The following TMEM26 variants were observed in gnomAD, a reference collection of about 807,000 sequenced individuals.
TMEM26 encodes the protein transmembrane protein 26.
TMEM26 carries 38 observed loss-of-function variants against 28.8 expected under a neutral mutation model. The ratio of observed to expected loss-of-function variants is 1.32; its 90% confidence interval spans 1.02 to 1.73. The LOEUF is 1.73. Among genes scored for constraint, TMEM26 ranks in the 40% most tolerant of loss-of-function variants. The pLI, the probability that TMEM26 is intolerant of heterozygous loss-of-function variation, is 0.00. For synonymous variants in TMEM26, 227 were observed against 182.9 expected, an observed-to-expected ratio of 1.24 and a Z score of -1.95; for missense variants, 518 against 447.1, an observed-to-expected ratio of 1.16 and a Z score of -1.43.
At chr10:61,426,535 T>C (rs1251639876) in intron 4 of TMEM26, among the ~76,000 whole-genome samples, 1 of 152,078 alleles carries the variant, frequency 6.6e-6, no homozygotes, top group African/African-American at 2.4e-5. Context: ...GGAAATTTAT[T>C]TAATAAAAAA....
chr10:61,447,094 G>T (rs528115564), intron 1 of TMEM26, among the ~76,000 whole-genome samples: 3 of 152,156 alleles, frequency 2.0e-5, no homozygotes, highest in Non-Finnish European at 4.4e-5. Context: ...AAGAGGGAGA[G>T]AAATTGTTTA....
chr10:61,415,679 C>A (rs768515333), intron 4 of TMEM26, among the ~76,000 whole-genome samples: 25 of 152,022 alleles, frequency 1.6e-4, no homozygotes, highest in African/African-American at 5.8e-4. Context: ...TTGGACATTA[C>A]ATTATATTAT....
intron 1 of TMEM26, among the ~76,000 whole-genome samples, chr10:61,439,108 C>A (rs1041893234): frequency 4.6e-5 from 7 of 152,126 alleles, no homozygotes; most frequent in Non-Finnish European, 1.0e-4. Flanking sequence ...CAAATATCTC[C>A]CAAAATTATG....
chr10:61,412,883 T>C (rs1839590049), intron 5 of TMEM26: 1 of 1,241,300 alleles, frequency 8.1e-7, no homozygotes, highest in Non-Finnish European at 1.1e-6. Flanking sequence ...AGATTACTTC[T>C]TGCAAAATCT....
Position 61,410,673 on chromosome 10 carries a change from G to A in TMEM26, c.756C>T (p.Ala252=). The change falls in exon 6 of 6, where the codon GCC becomes GCT. Residue 252 remains alanine (A), a synonymous_variant. Coordinates refer to ENST00000399298, the MANE Select transcript of TMEM26 (RefSeq NM_178505.8). The part of the protein sequence containing the change: ...FPSLFFCQYS[A]DLWNIGISVF... ...CGCTGATTCCGATGTTCCACAGATC[G>A]GCACTGTACTGGCAAAAGAACAGGC... The A allele has an allele frequency of 1.2e-6, 2 of 1,614,076 alleles. No homozygotes were observed. Among genetic ancestry groups the A allele is most frequent in the Non-Finnish European group, 8.5e-7 (1 of 1,180,022 alleles).
intron 1 of TMEM26, among the ~76,000 whole-genome samples, chr10:61,448,876 T>C (rs1840229388): frequency 6.6e-6 from 1 of 152,240 alleles, no homozygotes; most frequent in African/African-American, 2.4e-5. Flanking sequence ...CCTAGCTTTC[T>C]ACTTATTCTC....
At chr10:61,452,719 C>A in intron 1 of TMEM26, 172 bp downstream of exon 1, 1 of 768,792 alleles carries the variant, frequency 1.3e-6, no homozygotes, top group Non-Finnish European at 2.1e-6. Context: ...TAGGGTGGCC[C>A]TGGGGTGCCC....
intron 4 of TMEM26, among the ~76,000 whole-genome samples, chr10:61,421,091 T>C (rs974644252): frequency 2.0e-4 from 31 of 152,062 alleles, no homozygotes; most frequent in African/African-American, 7.2e-4. Flanking sequence ...TATGACCAAA[T>C]GGAGCCATAT....
At position 61,429,081 on chromosome 10, in the gene TMEM26, C is replaced by T. The variant is rs372783618; in HGVS notation, c.450G>A (p.Gln150=). 64 of 1,613,160 alleles carry T rather than the reference C, an allele frequency of 4.0e-5. No homozygotes were observed. The highest frequency in any genetic ancestry group is 1.6e-4 in the Middle Eastern group (1 of 6,080). The part of the protein sequence containing the change: ...CEKVWTLGLH[Q]TFLLMLIIGR... ...CAATTATTAGCATTAACAGGAATGT[C>T]TGATGGAGTCCCAATGTCCAAACTT... Residue 150 remains glutamine (Q), a synonymous_variant, in exon 4 of 6, where the codon CAG becomes CAA. Coordinates refer to ENST00000399298, the MANE Select transcript of TMEM26 (RefSeq NM_178505.8).
In TMEM26 at chr10:61,409,442, CACTT is replaced by C. The variant is rs1438178405; in HGVS notation, c.*876_*879del. 2.0e-5 allele frequency: 3 copies of C among 152,220 alleles called. No homozygotes were observed. Among genetic ancestry groups the C allele is most frequent in the East Asian group, 3.9e-4 (2 of 5,190 alleles). 9.4% of individuals were successfully genotyped at this position (152,220 alleles called of 1,614,324 possible). ...TGGCAGACACCAGAAACCATGGAAACACTTACAGGGCCCGAAACACCTTTATTCA... is the reference window on the plus strand; with the variant it reads ...TGGCAGACACCAGAAACCATGGAAACACAGGGCCCGAAACACCTTTATTCA... On this transcript the variant is annotated 3_prime_UTR_variant, in exon 6 of 6. Transcript: ENST00000399298.
rs567728692 is a variant in TMEM26, at chr10:61,412,633, A to G, written c.682+826T>C. Among the ~76,000 whole-genome samples, 9 of 152,300 alleles carry G rather than the reference A, an allele frequency of 5.9e-5. No individual in the cohort carries two copies. The East Asian group carries it at 1.7e-3, about 29-fold the overall frequency. On this transcript the variant is annotated intron_variant, in intron 5 of 5. Coordinates refer to ENST00000399298, the MANE Select transcript of TMEM26 (RefSeq NM_178505.8). ...CCAAGAAGTTTTCAGATGACTCCAGATGAACACTGCTCAACTGAACTTTCT... is the reference window on the plus strand; with the variant it reads ...CCAAGAAGTTTTCAGATGACTCCAGGTGAACACTGCTCAACTGAACTTTCT...
At chr10:61,442,517 G>A (rs1840110879) in intron 1 of TMEM26, among the ~76,000 whole-genome samples, 1 of 152,072 alleles carries the variant, frequency 6.6e-6, no homozygotes, top group Non-Finnish European at 1.5e-5. Context: ...TATTCAAAAT[G>A]TACTTCAATT....
chr10:61,412,503 A>G (rs184213647), intron 5 of TMEM26, among the ~76,000 whole-genome samples: 13 of 152,290 alleles, frequency 8.5e-5, no homozygotes, highest in African/African-American at 2.6e-4. Flanking sequence ...ATTAAGGTGT[A>G]ATAAATAAAC....
At position 61,416,423 on chromosome 10, in the gene TMEM26, A is replaced by C. The variant is rs1453883847; in HGVS notation, c.606-2888T>G. 2.6e-5 allele frequency among the ~76,000 whole-genome samples: 4 copies of C among 152,220 alleles called. No homozygotes were observed. The South Asian group carries it at 8.3e-4, about 31-fold the overall frequency. On this transcript the variant is annotated intron_variant, in intron 4 of 5. Coordinates refer to ENST00000399298, the MANE Select transcript of TMEM26 (RefSeq NM_178505.8). Reference sequence around the variant, plus strand: ...TATGCATAAGTAGTTTAACATCTGCATGCTTTAGTTTACCCATTTACATTA... The same window carrying C: ...TATGCATAAGTAGTTTAACATCTGCCTGCTTTAGTTTACCCATTTACATTA...
chr10:61,413,399 A>G, intron 5 of TMEM26, 60 bp downstream of exon 5: 1 of 1,588,600 alleles, frequency 6.3e-7, no homozygotes, highest in South Asian at 1.2e-5. Flanking sequence ...TAGTTTTAGC[A>G]TAGTTAATAA....
chr10:61,452,884 C>A lies in TMEM26; in HGVS notation c.191+7G>T. 2 of 1,608,014 alleles carry A rather than the reference C, an allele frequency of 1.2e-6. No homozygotes were observed. The highest frequency in any genetic ancestry group is 1.7e-6 in the Non-Finnish European group (2 of 1,174,882). ...CGTGCGCCCTCGCTTTCCCGGGGCA[C>A]TCTCACCATTTGTAGCCTCTGCCGC... On this transcript the variant is annotated splice_region_variant and intron_variant, in intron 1 of 5. Coordinates refer to ENST00000399298, the MANE Select transcript of TMEM26 (RefSeq NM_178505.8).
Position 61,409,011 on chromosome 10 carries a change from C to T in TMEM26, c.*1311G>A, listed in dbSNP as rs1385856878. The T allele has an allele frequency of 1.3e-5, 2 of 152,120 alleles. No individual in the cohort carries two copies. The highest frequency in any genetic ancestry group is 1.3e-4 in the Admixed American group (2 of 15,268). 9.4% of individuals were successfully genotyped at this position (152,120 alleles called of 1,614,324 possible). On this transcript the variant is annotated 3_prime_UTR_variant, in exon 6 of 6. Transcript: ENST00000399298. Reference sequence around the variant, plus strand: ...CACCTTAAATGTCCCTTTGAATTCTCGAGTATACTAATCTGGGGGAATTAG... The same window carrying T: ...CACCTTAAATGTCCCTTTGAATTCTTGAGTATACTAATCTGGGGGAATTAG...
Position 61,407,620 on chromosome 10 carries a change from T to C in TMEM26, c.*2702A>G, listed in dbSNP as rs1273625819. 6.6e-6 allele frequency: 1 copy of C among 152,198 alleles called. No homozygotes were observed. The highest frequency in any genetic ancestry group is 6.6e-5 in the Admixed American group (1 of 15,264). The allele number at this position is 152,198 out of a possible 1,614,324, so 9.4% of individuals were successfully genotyped here. ...GCACAGTATCATTGAAACATGCACA[T>C]TGTGTTTTCTTTCACAAGTGGAATG... On this transcript the variant is annotated 3_prime_UTR_variant, in exon 6 of 6. Transcript: ENST00000399298.
intron 4 of TMEM26, 184 bp from the exon 5 acceptor site, chr10:61,413,719 A>G: frequency 5.4e-6 from 7 of 1,300,948 alleles, no homozygotes; most frequent in Non-Finnish European, 6.8e-6. Context: ...GAAGTGAAAA[A>G]TAAATAATCT....
Sources: gnomAD v4.1 joint callset for allele counts (sites outside exome capture counted in the v4.1 genomes callset) on GRCh38, gnomAD v4.1.1 for gene constraint, MANE v1.5 for transcripts, NCBI Gene and HGNC (gene_info 2026-07-23, HGNC 2026-07-21) for gene names.